Variants in PRELID2 observed in about 807,000 individuals in gnomAD.
PRELID2 encodes PRELI domain-containing protein 2.
In PRELID2, 25 loss-of-function variants were observed where a neutral mutation model predicts 28.4. The observed-to-expected ratio is 0.88, with a 90% CI of 0.64 to 1.23. The LOEUF (loss-of-function observed/expected upper bound fraction) is 1.23, where lower values mean the gene tolerates loss of function less well. Among genes scored for constraint, PRELID2 ranks in the 50% most tolerant of loss-of-function variants. The pLI, the probability that PRELID2 is intolerant of heterozygous loss-of-function variation, is 0.00. For missense variants in PRELID2, 201 were observed against 214.4 expected, an observed-to-expected ratio of 0.94 and a Z score of 0.39; for synonymous variants, 76 against 71.6, an observed-to-expected ratio of 1.06 and a Z score of -0.31.
intron 1 of PRELID2, among the ~76,000 whole-genome samples, chr5:145,532,619 C>T (rs1752663904): frequency 6.6e-6 from 1 of 152,066 alleles, no homozygotes; most frequent in African/African-American, 2.4e-5. Flanking sequence ...TTCCCATTCC[C>T]CATCCTGCCC....
the PRELID2 span, among the ~76,000 whole-genome samples, chr5:145,269,876 G>GTGTATATA: frequency 1.2e-4 from 18 of 147,296 alleles, no homozygotes; most frequent in African/African-American, 4.2e-4. Flanking sequence ...ACATATATAT[G>GTGTATATA]TATATATATA....
intron 1 of PRELID2, among the ~76,000 whole-genome samples, chr5:145,708,742 A>G (rs768655915): frequency 3.9e-5 from 6 of 152,254 alleles, no homozygotes; most frequent in African/African-American, 7.2e-5. Context: ...AGTAATGCTT[A>G]ATCTGTTCTA....
At chr5:145,492,791 G>A (rs1480174560) in intron 1 of PRELID2, among the ~76,000 whole-genome samples, 4 of 141,022 alleles carry the variant, frequency 2.8e-5, no homozygotes, top group Admixed American at 7.1e-5. Context: ...CGGCCCAGAA[G>A]TGGTGCAGGC....
At chr5:145,251,524 G>C in the PRELID2 span, among the ~76,000 whole-genome samples, 5 of 152,218 alleles carry the variant, frequency 3.3e-5, no homozygotes, top group Admixed American at 1.3e-4. Context: ...TAGAAGAGGA[G>C]ACTAGCCTTG....
intron 1 of PRELID2, among the ~76,000 whole-genome samples, chr5:145,629,976 C>T (rs1753909630): frequency 6.6e-6 from 1 of 152,118 alleles, no homozygotes; most frequent in Admixed American, 6.5e-5. Context: ...TGAAGGAAAA[C>T]AAGGCATTTA....
chr5:145,740,294 A>ATATATATATT (rs1561566153), intron 1 of PRELID2, among the ~76,000 whole-genome samples: 27 of 95,102 alleles, frequency 2.8e-4, no homozygotes, highest in African/African-American at 1.1e-3. Flanking sequence ...ATATATATAT[A>ATATATATATT]TATATATATA....
intron 1 of PRELID2, among the ~76,000 whole-genome samples, chr5:145,831,192 G>A (rs1755560977): frequency 6.6e-6 from 1 of 152,216 alleles, no homozygotes; most frequent in South Asian, 2.1e-4. Context: ...ACCCTGGAAG[G>A]TAGGTGGGGT....
chr5:145,668,444 T>TA (rs1170561752), intron 1 of PRELID2, among the ~76,000 whole-genome samples: 4 of 151,826 alleles, frequency 2.6e-5, no homozygotes, highest in African/African-American at 7.3e-5. Flanking sequence ...AATCTAGATT[T>TA]TAAAAAAAAA....
chr5:145,584,312 A>G (rs1753133734), intron 1 of PRELID2, among the ~76,000 whole-genome samples: 1 of 152,008 alleles, frequency 6.6e-6, no homozygotes, highest in African/African-American at 2.4e-5. Context: ...AGACTTACAC[A>G]TTAAACTCAA....
chr5:145,385,388 T>C, the PRELID2 span, among the ~76,000 whole-genome samples: 2 of 152,180 alleles, frequency 1.3e-5, no homozygotes, highest in Non-Finnish European at 2.9e-5. Flanking sequence ...TTCCATAGCA[T>C]TTTGAAGTAC....
chr5:145,462,141 CTGA>C, the PRELID2 span, among the ~76,000 whole-genome samples: 1 of 152,118 alleles, frequency 6.6e-6, no homozygotes, highest in African/African-American at 2.4e-5. Flanking sequence ...ATCATTGCAG[CTGA>C]TAGTACGTAA....
intron 5 of PRELID2, among the ~76,000 whole-genome samples, chr5:145,783,786 A>C (rs1751799690): frequency 6.6e-6 from 1 of 152,234 alleles, no homozygotes; most frequent in Non-Finnish European, 1.5e-5. Context: ...CCCTGTTCTT[A>C]TATCACACTT....
chr5:145,393,289 A>G, the PRELID2 span, among the ~76,000 whole-genome samples: 2 of 152,124 alleles, frequency 1.3e-5, no homozygotes, highest in African/African-American at 4.8e-5. Flanking sequence ...CCCAAATGTC[A>G]TGCTCTTCAG....
the PRELID2 span, among the ~76,000 whole-genome samples, chr5:145,302,762 T>A: frequency 6.6e-6 from 1 of 152,204 alleles, no homozygotes; most frequent in African/African-American, 2.4e-5. Context: ...TATAATTAGC[T>A]TGTAAATATG....
chr5:145,234,629 C>T, the PRELID2 span, among the ~76,000 whole-genome samples: 2 of 152,116 alleles, frequency 1.3e-5, no homozygotes, highest in African/African-American at 4.8e-5. Flanking sequence ...TTTCCTTGGT[C>T]TACAAGACAA....
intron 1 of PRELID2, among the ~76,000 whole-genome samples, chr5:145,740,382 G>T (rs1425517296): frequency 7.8e-6 from 1 of 129,030 alleles, no homozygotes; most frequent in Non-Finnish European, 1.6e-5. Context: ...AAAATTTATA[G>T]AACTGAAAGG....
At chr5:145,587,778 A>C (rs948564871) in intron 1 of PRELID2, among the ~76,000 whole-genome samples, 1 of 152,134 alleles carries the variant, frequency 6.6e-6, no homozygotes, top group African/African-American at 2.4e-5. Flanking sequence ...TATTTCCTTG[A>C]TTCACTGGTA....
chr5:145,294,929 C>G, the PRELID2 span, among the ~76,000 whole-genome samples: 8 of 152,076 alleles, frequency 5.3e-5, no homozygotes, highest in Non-Finnish European at 8.8e-5. Flanking sequence ...GCTGTCCAAA[C>G]AACAAACATG....
intron 1 of PRELID2, among the ~76,000 whole-genome samples, chr5:145,832,074 A>G (rs1654166): frequency 0.71 from 108,204 of 152,102 alleles, 39,743 homozygotes; most frequent in Non-Finnish European, 0.82. Flanking sequence ...AACACACATC[A>G]AAGTTATATC....
Sources: allele counts gnomAD v4.1 joint callset (sites outside exome capture counted in the v4.1 genomes callset), GRCh38; gene constraint gnomAD v4.1.1; transcripts MANE v1.5; gene names NCBI Gene and HGNC (gene_info 2026-07-23, HGNC 2026-07-21).